CDK13: variants seen among roughly 807,000 people sequenced by gnomAD.
CDK13 encodes cyclin dependent kinase 13.
In CDK13, 40 loss-of-function variants were observed where a neutral mutation model predicts 137.6. That is an observed-to-expected ratio of 0.29 (90% CI 0.23 to 0.38). CDK13 has a LOEUF of 0.38. Ranked by LOEUF, CDK13 falls within the 10% of genes least tolerant of loss-of-function variation. The pLI is 1.00. For synonymous variants in CDK13, 869 were observed against 760.1 expected (o/e 1.14, Z -2.36); for missense variants, 1,704 against 1,951.8 (o/e 0.87, Z 2.39).
At position 40,094,935 on chromosome 7, in the gene CDK13, T is replaced by C; in HGVS notation, c.4494T>C (p.Ile1498=). Residue 1498 remains isoleucine, a synonymous_variant, in exon 14 of 14, where the codon ATT becomes ATC. Coordinates refer to ENST00000181839, the MANE Select transcript of CDK13 (RefSeq NM_003718.5). The part of the protein sequence containing the change: ...PGYSQGYRGH[I]STSTGRGRGR... ...ATTCACAAGGATACAGGGGACATATTAGCACATCAACTGGCAGAGGCAGAG... is the reference window on the plus strand; with the variant it reads ...ATTCACAAGGATACAGGGGACATATCAGCACATCAACTGGCAGAGGCAGAG... 6.9e-7 allele frequency: 1 copy of C among 1,453,978 alleles called. No homozygotes were observed. Among genetic ancestry groups the C allele is most frequent in the South Asian group, 1.7e-5 (1 of 59,248 alleles). 90.1% of individuals were successfully genotyped at this position (1,453,978 alleles called of 1,614,324 possible).
intron 5 of CDK13, among the ~76,000 whole-genome samples, chr7:40,040,119 C>G (rs1447399835): frequency 1.3e-5 from 2 of 151,740 alleles, no homozygotes. Flanking sequence ...TCAAGCGATT[C>G]TCCTGCCTCT....
At chr7:40,090,253 TA>T (rs1242766533) in intron 12 of CDK13, among the ~76,000 whole-genome samples, 1 of 152,242 alleles carries the variant, frequency 6.6e-6, no homozygotes, top group African/African-American at 2.4e-5. Context: ...TTTTAGCTGG[TA>T]AAAAATGATT....
intron 5 of CDK13, among the ~76,000 whole-genome samples, chr7:40,013,076 A>C (rs1043868422): frequency 1.3e-5 from 2 of 152,218 alleles, no homozygotes; most frequent in Non-Finnish European, 2.9e-5. Context: ...AGTACTGTTA[A>C]GCCTTGAAAA....
chr7:39,954,469 GTCTTATCCA>G (rs1460617754), intron 1 of CDK13, among the ~76,000 whole-genome samples: 20 of 152,148 alleles, frequency 1.3e-4, no homozygotes, highest in Non-Finnish European at 2.6e-4. Flanking sequence ...CAACTGGGCT[GTCTTATCCA>G]TCATTGTATT....
intron 1 of CDK13, among the ~76,000 whole-genome samples, chr7:39,959,008 C>G (rs1463265083): frequency 2.0e-5 from 3 of 152,092 alleles, no homozygotes; most frequent in Non-Finnish European, 4.4e-5. Context: ...CCAGGCTGAT[C>G]TTGAACTCCT....
chr7:40,036,579 T>C (rs1785489039), intron 5 of CDK13, among the ~76,000 whole-genome samples: 3 of 151,798 alleles, frequency 2.0e-5, no homozygotes, highest in Non-Finnish European at 4.4e-5. Context: ...TCAAAAAAAA[T>C]TAAATTAAAT....
chr7:40,073,660 C>T (rs936911043), intron 9 of CDK13: 1 of 150,780 alleles, frequency 6.6e-6, no homozygotes, highest in Non-Finnish European at 1.5e-5. Context: ...GGCGCAATCT[C>T]GGCTCACTGC....
chr7:40,058,931 AT>A (rs1786080320), intron 7 of CDK13, among the ~76,000 whole-genome samples: 1 of 152,200 alleles, frequency 6.6e-6, no homozygotes, highest in African/African-American at 2.4e-5. Context: ...AGTATGAATT[AT>A]AGTATAAAAG....
chr7:40,027,724 C>T (rs1026625015), intron 5 of CDK13, among the ~76,000 whole-genome samples: 1 of 147,126 alleles, frequency 6.8e-6, no homozygotes, highest in Non-Finnish European at 1.5e-5. Context: ...GCTGTGAAGC[C>T]TGCTCTGTTT....
chr7:39,962,719 C>T (rs1384808066), intron 1 of CDK13, among the ~76,000 whole-genome samples: 1 of 152,148 alleles, frequency 6.6e-6, no homozygotes, highest in Non-Finnish European at 1.5e-5. Context: ...TGCCTATGTC[C>T]TGAATGGTAT....
At chr7:40,038,983 C>T (rs1478035227) in intron 5 of CDK13, among the ~76,000 whole-genome samples, 2 of 152,228 alleles carry the variant, frequency 1.3e-5, no homozygotes. Flanking sequence ...GCGTGAGCCA[C>T]TGTGCCTGGC....
At chr7:39,997,746 G>T in intron 3 of CDK13, 82 bp downstream of exon 3, 1 of 1,013,138 alleles carries the variant, frequency 9.9e-7, no homozygotes, top group Non-Finnish European at 1.5e-6. Flanking sequence ...ACTAAATTAA[G>T]GTTTAAAATA....
intron 12 of CDK13, chr7:40,092,238 G>A (rs980173217): frequency 9.2e-5 from 14 of 152,618 alleles, no homozygotes; most frequent in African/African-American, 3.4e-4. Context: ...AGAAAGTACG[G>A]TGTAGTTAAG....
intron 11 of CDK13, chr7:40,085,590 C>T (rs964885887): frequency 1.8e-4 from 28 of 152,508 alleles, no homozygotes; most frequent in African/African-American, 6.8e-4. Context: ...GACTGAGACC[C>T]ACATCATATC....
At chr7:40,021,331 T>C (rs530284556) in intron 5 of CDK13, among the ~76,000 whole-genome samples, 28 of 151,620 alleles carry the variant, frequency 1.8e-4, no homozygotes, top group Middle Eastern at 3.2e-3. Context: ...ACCCCATCTC[T>C]ACTAAAAATA....
At chr7:39,958,732 C>T (rs575344778) in intron 1 of CDK13, among the ~76,000 whole-genome samples, 1 of 151,658 alleles carries the variant, frequency 6.6e-6, no homozygotes, top group East Asian at 1.9e-4. Flanking sequence ...ATATCTAAAG[C>T]AAATTTTTTT....
intron 5 of CDK13, among the ~76,000 whole-genome samples, chr7:40,025,799 T>A (rs1281535372): frequency 1.3e-5 from 2 of 152,236 alleles, no homozygotes; most frequent in Non-Finnish European, 2.9e-5. Context: ...ATTGGTATTG[T>A]TTCCCCCTTC....
intron 1 of CDK13, among the ~76,000 whole-genome samples, chr7:39,978,719 G>C (rs1784158253): frequency 6.6e-6 from 1 of 152,178 alleles, no homozygotes; most frequent in South Asian, 2.1e-4. Context: ...GGTTCAGTAG[G>C]TCTGGGCTGG....
intron 2 of CDK13, among the ~76,000 whole-genome samples, chr7:39,989,542 C>T (rs1784414065): frequency 1.3e-5 from 2 of 151,922 alleles, no homozygotes; most frequent in African/African-American, 4.8e-5. Context: ...CTTTGAGGTG[C>T]CTTTTTAAAA....
Sources: allele counts gnomAD v4.1 joint callset (sites outside exome capture counted in the v4.1 genomes callset), GRCh38; gene constraint gnomAD v4.1.1; transcripts MANE v1.5; gene names NCBI Gene and HGNC (gene_info 2026-07-23, HGNC 2026-07-21).